Variants in RPTOR observed in about 807,000 individuals in gnomAD.
The protein encoded by RPTOR is regulatory associated protein of MTOR complex 1.
In RPTOR, 21 loss-of-function variants were observed where a neutral mutation model predicts 169.9. The observed-to-expected ratio is 0.12, with a 90% confidence interval of 0.09 to 0.18. The LOEUF (loss-of-function observed/expected upper bound fraction) is 0.18, where lower values mean the gene tolerates loss of function less well. RPTOR is among the 10% of genes least tolerant of loss of function. The pLI is 1.00. For missense variants in RPTOR, 1,133 were observed against 1,855.9 expected, an observed-to-expected ratio of 0.61 and a Z score of 7.16; for synonymous variants, 732 against 753.2, an observed-to-expected ratio of 0.97 and a Z score of 0.46.
chr17:80,962,879 A>G (rs1490121892), intron 32 of RPTOR, 49 bp from the exon 33 acceptor site: 18 of 1,609,216 alleles, frequency 1.1e-5, no homozygotes, highest in Non-Finnish European at 1.5e-5. Flanking sequence ...CCCATCTTCC[A>G]TCCTCAAAGA....
intron 3 of RPTOR, among the ~76,000 whole-genome samples, chr17:80,675,232 T>C (rs2065853578): frequency 6.6e-6 from 1 of 152,268 alleles, no homozygotes; most frequent in Non-Finnish European, 1.5e-5. Flanking sequence ...CTGTTCGTCA[T>C]GGTGCCTGTT....
chr17:80,950,629 A>T (rs974092628), intron 28 of RPTOR, among the ~76,000 whole-genome samples: 2 of 151,880 alleles, frequency 1.3e-5, no homozygotes, highest in Non-Finnish European at 2.9e-5. Flanking sequence ...TTCCCCTGCG[A>T]GGCAACCCTC....
intron 3 of RPTOR, among the ~76,000 whole-genome samples, chr17:80,702,748 G>A (rs894088936): frequency 2.0e-4 from 31 of 152,280 alleles, no homozygotes; most frequent in Admixed American, 1.2e-3. Flanking sequence ...CAGAAATGAT[G>A]AATCCTTAAT....
At position 80,612,540 on chromosome 17, in the gene RPTOR, A is replaced by G. The variant is rs745776744; in HGVS notation, c.163-13151A>G. Among the ~76,000 whole-genome samples, 13 of 152,336 alleles carry G rather than the reference A, an allele frequency of 8.5e-5. No individual in the cohort carries two copies. The Middle Eastern group carries it at 0.01, about 120-fold the overall frequency. On this transcript the variant is annotated intron_variant, in intron 1 of 33. Transcript: ENST00000306801. The stretch of plus-strand genomic sequence containing the variant: ...TAGCTTCCAGTGTCGAATTATCTGA[A>G]GCCATTCTGATTTTCAGCCTTTGCT...
At chr17:80,950,163 AGGCCCCTCT>A (rs1220123402) in intron 28 of RPTOR, among the ~76,000 whole-genome samples, 2 of 152,208 alleles carry the variant, frequency 1.3e-5, no homozygotes, top group Non-Finnish European at 2.9e-5. Context: ...AGATTTCCAG[AGGCCCCTCT>A]GCAGCACCAG....
intron 3 of RPTOR, among the ~76,000 whole-genome samples, chr17:80,662,437 T>C (rs1567844641): frequency 6.6e-6 from 1 of 151,934 alleles, no homozygotes. Context: ...AGGGTTTTTA[T>C]GGATAATTTG....
At chr17:80,583,134 GT>G (rs1242288751) in intron 1 of RPTOR, among the ~76,000 whole-genome samples, 1 of 138,746 alleles carries the variant, frequency 7.2e-6, no homozygotes, top group Non-Finnish European at 1.5e-5. Flanking sequence ...CAACCAAGCT[GT>G]TTGTTAGAAA....
intron 5 of RPTOR, among the ~76,000 whole-genome samples, chr17:80,751,031 G>T (rs2066625348): frequency 6.6e-6 from 1 of 152,108 alleles, no homozygotes; most frequent in Admixed American, 6.5e-5. Context: ...TGTTCCTGTG[G>T]TAGAATGGGT....
At chr17:80,918,896 A>G (rs539465668) in intron 21 of RPTOR, among the ~76,000 whole-genome samples, 4 of 152,156 alleles carry the variant, frequency 2.6e-5, no homozygotes, top group African/African-American at 9.6e-5. Flanking sequence ...ATCAGCACTC[A>G]TGTCTATGTC....
chr17:80,854,443 C>T (rs976802867), intron 11 of RPTOR, among the ~76,000 whole-genome samples: 4 of 152,210 alleles, frequency 2.6e-5, no homozygotes, highest in Non-Finnish European at 4.4e-5. Context: ...TGCGTGCCGT[C>T]GAGAGTGTGA....
At chr17:80,593,420 T>A (rs958220691) in intron 1 of RPTOR, 4 of 154,774 alleles carry the variant, frequency 2.6e-5, no homozygotes, top group African/African-American at 9.6e-5. Context: ...TACAACACCA[T>A]GTGTGGGTAA....
intron 3 of RPTOR, among the ~76,000 whole-genome samples, chr17:80,654,363 T>C (rs1336139195): frequency 6.6e-6 from 1 of 152,146 alleles, no homozygotes; most frequent in Admixed American, 6.5e-5. Context: ...GTGAGGGTGC[T>C]CCCCTCGGTG....
intron 3 of RPTOR, among the ~76,000 whole-genome samples, chr17:80,665,979 C>T (rs568127104): frequency 9.2e-5 from 14 of 152,180 alleles, no homozygotes; most frequent in Non-Finnish European, 1.5e-4. Flanking sequence ...TCTGCCTGTG[C>T]CCGTGTATCC....
At chr17:80,822,088 C>A (rs374728470) in intron 7 of RPTOR, 113 bp from the exon 8 acceptor site, 2 of 904,612 alleles carry the variant, frequency 2.2e-6, no homozygotes, top group South Asian at 1.4e-5. Flanking sequence ...TCAGAGCCTT[C>A]CTCCCTCGCT....
chr17:80,962,677 G>A (rs759943549), intron 32 of RPTOR, 100 bp downstream of exon 32: 190 of 1,191,026 alleles, frequency 1.6e-4, no homozygotes, highest in Admixed American at 2.7e-4. Flanking sequence ...GCTGAAGGAG[G>A]GCAGGGGAGG....
chr17:80,870,867 A>T (rs36022926), intron 13 of RPTOR, among the ~76,000 whole-genome samples: 54,442 of 152,156 alleles, frequency 0.36, 12,426 homozygotes, highest in African/African-American at 0.64. Context: ...AACATGTTTG[A>T]CACAACAGTC....
chr17:80,614,037 C>A (rs866868474), intron 1 of RPTOR, among the ~76,000 whole-genome samples: 2 of 152,210 alleles, frequency 1.3e-5, no homozygotes, highest in South Asian at 4.1e-4. Flanking sequence ...TCCACTGGGG[C>A]CTTTCATTGT....
chr17:80,690,055 G>A (rs2065977734), intron 3 of RPTOR, among the ~76,000 whole-genome samples: 1 of 152,004 alleles, frequency 6.6e-6, no homozygotes, highest in Non-Finnish European at 1.5e-5. Flanking sequence ...TTTCAAACGT[G>A]TTTGCTCATT....
chr17:80,889,545 A>G (rs2068290465), intron 17 of RPTOR, among the ~76,000 whole-genome samples: 1 of 152,156 alleles, frequency 6.6e-6, no homozygotes, highest in African/African-American at 2.4e-5. Flanking sequence ...GGGTCACATG[A>G]CAACACCAGC....
Sources: gnomAD v4.1 joint callset for allele counts (sites outside exome capture counted in the v4.1 genomes callset) on GRCh38, gnomAD v4.1.1 for gene constraint, MANE v1.5 for transcripts, NCBI Gene and HGNC (gene_info 2026-07-23, HGNC 2026-07-21) for gene names.